The following PPP3CA variants were observed in gnomAD, a reference collection of about 807,000 sequenced individuals.
PPP3CA encodes the protein CAM-PRP catalytic subunit.
A neutral mutation model predicts 66.5 loss-of-function variants in PPP3CA; 14 were observed. The ratio of observed to expected loss-of-function variants is 0.21; its 90% confidence interval spans 0.14 to 0.33. The LOEUF (loss-of-function observed/expected upper bound fraction) is 0.33. PPP3CA is among the 10% of genes least tolerant of loss of function. The pLI is 1.00. For missense variants in PPP3CA, 317 were observed against 639.5 expected (o/e 0.50, Z 5.44); for synonymous variants, 232 against 226.2 (o/e 1.03, Z -0.23).
At chr4:101,146,736 T>A (rs1299069349) in intron 2 of PPP3CA, among the ~76,000 whole-genome samples, 1 of 152,134 alleles carries the variant, frequency 6.6e-6, no homozygotes, top group African/African-American at 2.4e-5. Context: ...CCACCACGCC[T>A]GGCCAAGAAC....
At chr4:101,303,131 T>A (rs982465932) in intron 1 of PPP3CA, among the ~76,000 whole-genome samples, 2 of 152,234 alleles carry the variant, frequency 1.3e-5, no homozygotes, top group African/African-American at 2.4e-5. Context: ...ATTCTGTAAT[T>A]CTGTATATTT....
chr4:101,109,208 A>G (rs1721570278), intron 2 of PPP3CA, 130 bp from the exon 3 acceptor site: 2 of 998,044 alleles, frequency 2.0e-6, no homozygotes, highest in African/African-American at 3.3e-5. Context: ...TTGCAGAACA[A>G]GAAGTACGAC....
intron 1 of PPP3CA, among the ~76,000 whole-genome samples, chr4:101,316,943 A>G (rs963726479): frequency 6.6e-6 from 1 of 152,196 alleles, no homozygotes; most frequent in Non-Finnish European, 1.5e-5. Context: ...AAGAAAGTAC[A>G]TTTCTTACAA....
At chr4:101,081,227 CTAAG>C (rs781183750) in intron 7 of PPP3CA, among the ~76,000 whole-genome samples, 25 of 152,070 alleles carry the variant, frequency 1.6e-4, no homozygotes, top group Middle Eastern at 6.8e-3. Flanking sequence ...TTTGCCTAGA[CTAAG>C]TAATTTTCTT....
chr4:101,241,507 T>C (rs1726308554), intron 1 of PPP3CA, among the ~76,000 whole-genome samples: 5 of 152,226 alleles, frequency 3.3e-5, no homozygotes, highest in East Asian at 1.9e-4. Flanking sequence ...TGAAATCAAA[T>C]TATTCCAATC....
chr4:101,071,614 G>T (rs1239795798), intron 8 of PPP3CA, among the ~76,000 whole-genome samples: 2 of 152,138 alleles, frequency 1.3e-5, no homozygotes, highest in African/African-American at 4.8e-5. Flanking sequence ...TGGATTTTTT[G>T]ATTGACCCTT....
intron 2 of PPP3CA, among the ~76,000 whole-genome samples, chr4:101,179,418 C>A (rs1190188681): frequency 6.6e-6 from 1 of 152,096 alleles, no homozygotes; most frequent in Non-Finnish European, 1.5e-5. Context: ...TCCCTGGACA[C>A]CACCACCACT....
intron 2 of PPP3CA, among the ~76,000 whole-genome samples, chr4:101,122,072 CTGGGAAGTGA>C (rs1383725794): frequency 6.6e-6 from 1 of 152,072 alleles, no homozygotes; most frequent in Non-Finnish European, 1.5e-5. Flanking sequence ...CACATGTTTC[CTGGGAAGTGA>C]TGGGAAGTCA....
At chr4:101,173,258 T>A (rs1012368777) in intron 2 of PPP3CA, among the ~76,000 whole-genome samples, 1 of 152,032 alleles carries the variant, frequency 6.6e-6, no homozygotes, top group Non-Finnish European at 1.5e-5. Flanking sequence ...TACATTTCAA[T>A]GAGGAATAGA....
chr4:101,343,647 T>C (rs1006022428), intron 1 of PPP3CA, among the ~76,000 whole-genome samples: 1 of 152,276 alleles, frequency 6.6e-6, no homozygotes, highest in South Asian at 2.1e-4. Context: ...CTAGTTTTGC[T>C]AACTGAAGTA....
chr4:101,264,208 T>C (rs1727097495), intron 1 of PPP3CA, among the ~76,000 whole-genome samples: 1 of 152,224 alleles, frequency 6.6e-6, no homozygotes, highest in Non-Finnish European at 1.5e-5. Context: ...TTCCCCCATG[T>C]CTTTTTCCCC....
intron 1 of PPP3CA, among the ~76,000 whole-genome samples, chr4:101,230,672 T>C (rs962297968): frequency 9.2e-5 from 14 of 151,638 alleles, no homozygotes; most frequent in Admixed American, 6.6e-4. Context: ...CTGCCTGTAA[T>C]AGCACCTCCG....
intron 2 of PPP3CA, among the ~76,000 whole-genome samples, chr4:101,183,847 C>T (rs1724321304): frequency 6.6e-6 from 1 of 152,100 alleles, no homozygotes; most frequent in African/African-American, 2.4e-5. Context: ...TAACTCATCG[C>T]TCAACCCTAC....
intron 1 of PPP3CA, among the ~76,000 whole-genome samples, chr4:101,256,377 G>A (rs79767751): frequency 6.6e-6 from 1 of 151,912 alleles, no homozygotes. Context: ...AATCATCACT[G>A]GCTGGATGAT....
At chr4:101,041,850 T>C (rs774593775) in intron 10 of PPP3CA, among the ~76,000 whole-genome samples, 1 of 152,196 alleles carries the variant, frequency 6.6e-6, no homozygotes, top group Non-Finnish European at 1.5e-5. Flanking sequence ...CTAATAGATA[T>C]ACAACAGAAT....
At chr4:101,045,107 T>A (rs2110213919) in intron 10 of PPP3CA, among the ~76,000 whole-genome samples, 1 of 152,322 alleles carries the variant, frequency 6.6e-6, no homozygotes, top group Admixed American at 6.5e-5. Context: ...GCAGAAAGTG[T>A]TATGTAGAGT....
At chr4:101,197,753 G>GC (rs946889278) in intron 1 of PPP3CA, among the ~76,000 whole-genome samples, 8 of 152,038 alleles carry the variant, frequency 5.3e-5, no homozygotes, top group African/African-American at 1.9e-4. Flanking sequence ...AACTTATTTA[G>GC]CCCCCATAAC....
intron 1 of PPP3CA, among the ~76,000 whole-genome samples, chr4:101,290,543 A>T (rs775729765): frequency 3.2e-4 from 49 of 152,238 alleles, no homozygotes; most frequent in Admixed American, 8.5e-4. Flanking sequence ...ATTCATGTAA[A>T]CAAATATTTA....
chr4:101,184,461 G>T (rs754481546), intron 2 of PPP3CA, among the ~76,000 whole-genome samples: 2 of 152,096 alleles, frequency 1.3e-5, no homozygotes, highest in Non-Finnish European at 2.9e-5. Context: ...ACTGAAATGT[G>T]TCTTAAGTAT....
Sources: gnomAD v4.1 joint callset for allele counts (sites outside exome capture counted in the v4.1 genomes callset) on GRCh38, gnomAD v4.1.1 for gene constraint, MANE v1.5 for transcripts, NCBI Gene and HGNC (gene_info 2026-07-23, HGNC 2026-07-21) for gene names.